GRIK4: variants seen among roughly 807,000 people sequenced by gnomAD.
GRIK4 encodes the protein glutamate ionotropic receptor kainate type subunit 4, also known as glutamate receptor ionotropic, kainate 4.
A neutral mutation model predicts 104.9 loss-of-function variants in GRIK4; 40 were observed. That is an observed-to-expected ratio of 0.38 (90% CI 0.30 to 0.50). GRIK4 has a LOEUF of 0.50. Among genes scored for constraint, GRIK4 ranks in the 20% least tolerant of loss-of-function variants. The probability of loss-of-function intolerance (pLI) is 0.93; values close to 1 mark genes in which losing one functional copy is unlikely to be tolerated. For synonymous variants in GRIK4, 485 were observed against 524.9 expected, an observed-to-expected ratio of 0.92 and a Z score of 1.04; for missense variants, 1,047 against 1,308.1, an observed-to-expected ratio of 0.80 and a Z score of 3.08.
At chr11:120,883,117 T>G (rs749797703) in intron 11 of GRIK4, among the ~76,000 whole-genome samples, 1 of 152,096 alleles carries the variant, frequency 6.6e-6, no homozygotes, top group Admixed American at 6.5e-5. Context: ...TGGTGCTCAG[T>G]GCAGGCTTGG....
chr11:120,892,286 G>A (rs955172658), intron 11 of GRIK4, among the ~76,000 whole-genome samples: 4 of 152,218 alleles, frequency 2.6e-5, no homozygotes, highest in Admixed American at 1.3e-4. Context: ...ATGGGGCTTT[G>A]CAGGCCATAG....
intron 1 of GRIK4, among the ~76,000 whole-genome samples, chr11:120,542,195 A>C (rs1166721243): frequency 1.3e-5 from 2 of 152,226 alleles, no homozygotes; most frequent in Non-Finnish European, 2.9e-5. Context: ...ACAAGAATAC[A>C]CAGTGAAGAA....
In GRIK4 at chr11:120,962,599, G is replaced by A. The variant is rs1217940036; in HGVS notation, c.2184G>A (p.Glu728=). 6.2e-7 allele frequency: 1 copy of A among 1,614,156 alleles called. No individual in the cohort carries two copies. Among genetic ancestry groups the A allele is most frequent in the Non-Finnish European group, 8.5e-7 (1 of 1,180,030 alleles). ...TCCTCCTGGAATCCACCATGAACGA[G>A]TACTATCGGCAGCGAAACTGCAACC... ...YAFLLESTMN[E]YYRQRNCNLT... is the part of the protein sequence containing the mutation. Residue 728 remains glutamate, a synonymous_variant, in exon 18 of 21, where the codon GAG becomes GAA. Coordinates refer to ENST00000527524, the MANE Select transcript of GRIK4 (RefSeq NM_014619.5).
At chr11:120,792,472 C>T (rs1952418112) in intron 3 of GRIK4, among the ~76,000 whole-genome samples, 1 of 151,764 alleles carries the variant, frequency 6.6e-6, no homozygotes, top group Admixed American at 6.6e-5. Context: ...GGTTGAGGAG[C>T]GCCAGGTGGT....
At chr11:120,729,127 G>A (rs1023202262) in intron 3 of GRIK4, among the ~76,000 whole-genome samples, 6 of 152,164 alleles carry the variant, frequency 3.9e-5, no homozygotes, top group African/African-American at 1.4e-4. Context: ...ACTCCATTGT[G>A]TATATGTACC....
chr11:120,835,374 A>T (rs1418717978), intron 7 of GRIK4, among the ~76,000 whole-genome samples: 1 of 152,160 alleles, frequency 6.6e-6, no homozygotes, highest in Non-Finnish European at 1.5e-5. Flanking sequence ...CTAAAAATAC[A>T]AAAATTAGCC....
chr11:120,893,267 T>C (rs2134459804), intron 11 of GRIK4, among the ~76,000 whole-genome samples: 1 of 152,366 alleles, frequency 6.6e-6, no homozygotes, highest in Admixed American at 6.5e-5. Flanking sequence ...TCCACCTGTG[T>C]CCCTTGGGGA....
At chr11:120,805,421 A>T (rs1952692925) in intron 4 of GRIK4, among the ~76,000 whole-genome samples, 1 of 152,220 alleles carries the variant, frequency 6.6e-6, no homozygotes. Flanking sequence ...AGCCTGACTT[A>T]GTAAAGTCAA....
intron 5 of GRIK4, among the ~76,000 whole-genome samples, chr11:120,818,426 A>G: frequency 6.6e-6 from 1 of 152,224 alleles, no homozygotes; most frequent in East Asian, 1.9e-4. Context: ...TATGACACAG[A>G]TCAATGTCAC....
intron 1 of GRIK4, among the ~76,000 whole-genome samples, chr11:120,554,213 C>G (rs576078247): frequency 4.6e-4 from 70 of 152,326 alleles, no homozygotes; most frequent in African/African-American, 1.6e-3. Context: ...GCAAAAATAT[C>G]TGTTAAGTCT....
At chr11:120,927,169 C>T (rs11218060) in intron 13 of GRIK4, among the ~76,000 whole-genome samples, 17,527 of 117,444 alleles carry the variant, frequency 0.15, 1,085 homozygotes, top group Middle Eastern at 0.23. Context: ...TGGTGGGCCA[C>T]GGTAAGGAGT....
At chr11:120,578,633 C>T (rs1403298283) in intron 1 of GRIK4, among the ~76,000 whole-genome samples, 1 of 152,214 alleles carries the variant, frequency 6.6e-6, no homozygotes, top group Non-Finnish European at 1.5e-5. Context: ...GCTTGGCACT[C>T]AGTACAACTT....
At chr11:120,733,228 T>C (rs1951168909) in intron 3 of GRIK4, among the ~76,000 whole-genome samples, 1 of 152,216 alleles carries the variant, frequency 6.6e-6, no homozygotes, top group Non-Finnish European at 1.5e-5. Flanking sequence ...GAAGTGTGTT[T>C]CTTGTAGGCA....
chr11:120,736,735 G>A (rs942281866), intron 3 of GRIK4, among the ~76,000 whole-genome samples: 3 of 151,364 alleles, frequency 2.0e-5, no homozygotes, highest in Non-Finnish European at 4.4e-5. Flanking sequence ...ATCTGGACTT[G>A]AATTTGAATT....
At chr11:120,521,057 A>G (rs1359346396) in intron 1 of GRIK4, among the ~76,000 whole-genome samples, 2 of 152,006 alleles carry the variant, frequency 1.3e-5, no homozygotes, top group Non-Finnish European at 2.9e-5. Context: ...CTGAAGTTGC[A>G]ATGCCATTTT....
In GRIK4 at chr11:120,815,339, G is replaced by C; in HGVS notation, c.248-39G>C. On this transcript the variant is annotated intron_variant, in intron 4 of 20. Coordinates refer to ENST00000527524, the MANE Select transcript of GRIK4 (RefSeq NM_014619.5). ...CCATGGCGCAAGCCCGACCTGATGAGTGCTTTGCTTCTTTCCCTGTCCCTG... is the reference window on the plus strand; with the variant it reads ...CCATGGCGCAAGCCCGACCTGATGACTGCTTTGCTTCTTTCCCTGTCCCTG... 3.3e-6 allele frequency: 4 copies of C among 1,229,918 alleles called. No homozygotes were observed. The South Asian group carries it at 5.2e-5, about 16-fold the overall frequency. 76.2% of individuals were successfully genotyped at this position (1,229,918 alleles called of 1,614,324 possible).
rs1237463564 is a variant in GRIK4, at chr11:120,583,267, A to G, written c.-158-70418A>G. ...GATATTAGACCTTTGTTGGATACAT[A>G]GTTTGCAAATATTTTCTTCCATTGT... On this transcript the variant is annotated intron_variant, in intron 1 of 20. Coordinates refer to ENST00000527524, the MANE Select transcript of GRIK4 (RefSeq NM_014619.5). Among the ~76,000 whole-genome samples the G allele has an allele frequency of 2.0e-5, 3 of 152,194 alleles. No individual in the cohort carries two copies. The East Asian group carries it at 5.8e-4, about 29-fold the overall frequency.
At chr11:120,878,510 AG>A (rs1268087635) in intron 11 of GRIK4, among the ~76,000 whole-genome samples, 2 of 152,166 alleles carry the variant, frequency 1.3e-5, no homozygotes, top group African/African-American at 4.8e-5. Context: ...CTGCTTCAGA[AG>A]TGACCATTAA....
chr11:120,602,393 C>G (rs1055405466), intron 1 of GRIK4, among the ~76,000 whole-genome samples: 1 of 152,104 alleles, frequency 6.6e-6, no homozygotes, highest in African/African-American at 2.4e-5. Context: ...AGTGCCAGCC[C>G]CTCTCTGGGA....
Sources: allele counts gnomAD v4.1 joint callset (sites outside exome capture counted in the v4.1 genomes callset), GRCh38; gene constraint gnomAD v4.1.1; transcripts MANE v1.5; gene names NCBI Gene and HGNC (gene_info 2026-07-23, HGNC 2026-07-21).